The following NDUFA5 variants were observed in gnomAD, a reference collection of about 807,000 sequenced individuals.
NDUFA5 encodes NADH:ubiquinone oxidoreductase subunit A5.
In NDUFA5, 11 loss-of-function variants were observed where a neutral mutation model predicts 19.8. The observed-to-expected ratio is 0.56, with a 90% CI of 0.35 to 0.92. The LOEUF is 0.92. Among genes scored for constraint, NDUFA5 ranks in the 40% least tolerant of loss-of-function variants. NDUFA5 has a pLI of 0.01. For synonymous variants in NDUFA5, 47 were observed against 46.8 expected (o/e 1.00, Z -0.01); for missense variants, 109 against 134.2 (o/e 0.81, Z 0.93).
chr7:123,569,935 T>G, the NDUFA5 span, among the ~76,000 whole-genome samples: 1 of 152,126 alleles, frequency 6.6e-6, no homozygotes, highest in Non-Finnish European at 1.5e-5. Context: ...AAATAATGAT[T>G]GTTATTATTA....
chr7:123,595,053 G>A, the NDUFA5 span, among the ~76,000 whole-genome samples: 991 of 152,312 alleles, frequency 6.5e-3, 8 homozygotes, highest in African/African-American at 0.023. Context: ...ATCCCAGGTC[G>A]ATCTCAGACT....
chr7:123,548,735 C>T (rs1798225422), intron 3 of NDUFA5, among the ~76,000 whole-genome samples: 1 of 152,110 alleles, frequency 6.6e-6, no homozygotes, highest in Admixed American at 6.6e-5. Context: ...AACATGGCCA[C>T]ACATCAAAAT....
In NDUFA5 at chr7:123,538,374, T is replaced by C. The variant is rs1797816446; in HGVS notation, c.*3745A>G. 2 of 152,262 alleles carry C rather than the reference T, an allele frequency of 1.3e-5. No homozygotes were observed. The highest frequency in any genetic ancestry group is 2.1e-4 in the South Asian group (1 of 4,838). The allele number at this position is 152,262 out of a possible 1,614,324, so 9.4% of individuals were successfully genotyped here. A position where few individuals can be genotyped will look rare whatever the true frequency, so the allele number is the denominator to read the frequency against. ...TCTAGTCTCTCAAATGAATTCTTCC[T>C]GTCCCCATCAATCATTCAAACCCCT... On this transcript the variant is annotated 3_prime_UTR_variant, in exon 5 of 5. Coordinates refer to ENST00000355749, the MANE Select transcript of NDUFA5 (RefSeq NM_005000.5).
chr7:123,586,146 A>C, the NDUFA5 span, among the ~76,000 whole-genome samples: 1 of 151,822 alleles, frequency 6.6e-6, no homozygotes, highest in Non-Finnish European at 1.5e-5. Context: ...TTTTTGAGGA[A>C]CCACCAAACT....
intron 3 of NDUFA5, among the ~76,000 whole-genome samples, chr7:123,547,950 C>T (rs982893497): frequency 6.6e-6 from 1 of 151,712 alleles, no homozygotes; most frequent in African/African-American, 2.4e-5. Context: ...ATTATTATAC[C>T]CACGTTATAG....
intron 4 of NDUFA5, among the ~76,000 whole-genome samples, chr7:123,544,704 A>G (rs184203034): frequency 2.1e-4 from 32 of 150,318 alleles, no homozygotes; most frequent in African/African-American, 7.3e-4. Flanking sequence ...TTTATAAAAT[A>G]TAAGAACATA....
At chr7:123,568,264 G>A in the NDUFA5 span, among the ~76,000 whole-genome samples, 1 of 152,106 alleles carries the variant, frequency 6.6e-6, no homozygotes, top group African/African-American at 2.4e-5. Flanking sequence ...TGTAATCCCA[G>A]CACTTTGGGA....
At chr7:123,578,049 C>A in the NDUFA5 span, among the ~76,000 whole-genome samples, 2 of 151,414 alleles carry the variant, frequency 1.3e-5, no homozygotes, top group African/African-American at 4.9e-5. Flanking sequence ...CCTAGCCCCC[C>A]ACCCCATGAC....
chr7:123,581,165 G>C, the NDUFA5 span, among the ~76,000 whole-genome samples: 1 of 151,792 alleles, frequency 6.6e-6, no homozygotes, highest in Non-Finnish European at 1.5e-5. Context: ...GTTTCTCTGA[G>C]AGCATGAATG....
chr7:123,553,652 G>A (rs139832630), intron 2 of NDUFA5, among the ~76,000 whole-genome samples: 6 of 152,280 alleles, frequency 3.9e-5, no homozygotes, highest in African/African-American at 1.4e-4. Flanking sequence ...ACTTAGCAAC[G>A]GTTAAGGGTG....
intron 2 of NDUFA5, among the ~76,000 whole-genome samples, chr7:123,554,477 T>G (rs781443715): frequency 3.6e-5 from 5 of 137,870 alleles, no homozygotes; most frequent in Admixed American, 7.0e-5. Flanking sequence ...AATGAAAAAT[T>G]CCAGAAATAA....
chr7:123,548,700 T>C (rs1163174309), intron 3 of NDUFA5, among the ~76,000 whole-genome samples: 1 of 152,168 alleles, frequency 6.6e-6, no homozygotes, highest in East Asian at 1.9e-4. Context: ...ACCATGTTTT[T>C]ACCCTGTTAG....
At chr7:123,598,629 C>T in the NDUFA5 span, among the ~76,000 whole-genome samples, 1 of 152,158 alleles carries the variant, frequency 6.6e-6, no homozygotes. Context: ...CAGTGTTCAA[C>T]AAAATATTCA....
rs1798099285 is a variant in NDUFA5, at chr7:123,545,567, G to A, written c.249+44C>T. 4 of 1,460,788 alleles carry A rather than the reference G, an allele frequency of 2.7e-6. No individual in the cohort carries two copies. The East Asian group carries it at 9.1e-5, about 33-fold the overall frequency. 90.5% of individuals were successfully genotyped at this position (1,460,788 alleles called of 1,614,324 possible). Reference sequence around the variant, plus strand: ...TTTCATTCTAGAACGTCAGTTGTGTGTCTCTATGAAACCAAACACCTAAAT... The same window carrying A: ...TTTCATTCTAGAACGTCAGTTGTGTATCTCTATGAAACCAAACACCTAAAT... On this transcript the variant is annotated intron_variant, in intron 4 of 4. Coordinates refer to ENST00000355749, the MANE Select transcript of NDUFA5 (RefSeq NM_005000.5).
rs1348422707 is a variant in NDUFA5 at position 123,540,352 on chromosome 7, G to C, written c.*1767C>G. The C allele has an allele frequency of 6.6e-6, 1 of 152,084 alleles. No homozygotes were observed. The highest frequency in any genetic ancestry group is 1.9e-4 in the East Asian group (1 of 5,190). The allele number at this position is 152,084 out of a possible 1,614,324, so 9.4% of individuals were successfully genotyped here. A position where few individuals can be genotyped will look rare whatever the true frequency, so the allele number is the denominator to read the frequency against. On this transcript the variant is annotated 3_prime_UTR_variant, in exon 5 of 5. Transcript: ENST00000355749. ...GGTCCCCTTTTAGCAAAAAAGTTCA[G>C]TAACACTGTTGGTGAAACATAAAAG...
chr7:123,542,475 G>A (rs908790731), intron 4 of NDUFA5, among the ~76,000 whole-genome samples: 2 of 151,980 alleles, frequency 1.3e-5, no homozygotes, highest in Non-Finnish European at 2.9e-5. Context: ...TAGCTGGTGA[G>A]GTTTTTTATC....
At chr7:123,556,002 T>G (rs546182357) in intron 2 of NDUFA5, 1 of 152,194 alleles carries the variant, frequency 6.6e-6, no homozygotes, top group African/African-American at 2.4e-5. Context: ...TCAGTGATGA[T>G]GGTGACTGAG....
rs1797922628 is a variant in NDUFA5, at chr7:123,540,932, A to G, written c.*1187T>C. The G allele has an allele frequency of 1.3e-5, 2 of 151,482 alleles. No individual in the cohort carries two copies. The highest frequency in any genetic ancestry group is 4.9e-5 in the African/African-American group (2 of 40,730). The allele number at this position is 151,482 out of a possible 1,614,324, so 9.4% of individuals were successfully genotyped here. On this transcript the variant is annotated 3_prime_UTR_variant, in exon 5 of 5. Transcript: ENST00000355749. ...CACACACACACACACACACACACAC[A>G]CACGTATACACAAAACCCCACAAGA...
the NDUFA5 span, among the ~76,000 whole-genome samples, chr7:123,588,239 C>T: frequency 6.6e-6 from 1 of 151,646 alleles, no homozygotes; most frequent in African/African-American, 2.4e-5. Flanking sequence ...TTTTCTGTTT[C>T]TTCATAGTTC....
Sources: gnomAD v4.1 joint callset for allele counts (sites outside exome capture counted in the v4.1 genomes callset) on GRCh38, gnomAD v4.1.1 for gene constraint, MANE v1.5 for transcripts, NCBI Gene and HGNC (gene_info 2026-07-23, HGNC 2026-07-21) for gene names.